SLC22A3: variants seen among roughly 807,000 people sequenced by gnomAD.
SLC22A3 encodes solute carrier family 22 member 3, also known as EMT organic cation transporter 3.
In SLC22A3, 51 loss-of-function variants were observed where a neutral mutation model predicts 59.1. The ratio of observed to expected loss-of-function variants is 0.86; its 90% CI spans 0.69 to 1.09. The LOEUF (loss-of-function observed/expected upper bound fraction) is 1.09. Among genes scored for constraint, SLC22A3 ranks in the 50% least tolerant of loss-of-function variants. SLC22A3 has a pLI of 0.00. For synonymous variants in SLC22A3, 325 were observed against 292.0 expected, an observed-to-expected ratio of 1.11 and a Z score of -1.15; for missense variants, 711 against 726.3, an observed-to-expected ratio of 0.98 and a Z score of 0.24.
At chr6:160,407,250 CA>C in intron 3 of SLC22A3, 55 bp downstream of exon 3, 1 of 1,524,648 alleles carries the variant, frequency 6.6e-7, no homozygotes, top group Non-Finnish European at 8.9e-7. Flanking sequence ...AGATAGCCAA[CA>C]AATGCTAGTT....
chr6:160,442,630 C>T (rs1788589333), intron 7 of SLC22A3, 131 bp from the exon 8 acceptor site: 1 of 729,110 alleles, frequency 1.4e-6, no homozygotes, highest in Admixed American at 2.0e-5. Context: ...TTAGAAAGTT[C>T]TATCATTTGT....
chr6:160,426,752 G>A (rs1787971329), intron 5 of SLC22A3, among the ~76,000 whole-genome samples: 1 of 152,194 alleles, frequency 6.6e-6, no homozygotes, highest in Non-Finnish European at 1.5e-5. Flanking sequence ...GTTGCCTTCA[G>A]TAATTGTGAT....
At position 160,415,094 on chromosome 6, in the gene SLC22A3, A is replaced by G. The variant is rs1271300688; in HGVS notation, c.975+4248A>G. Among the ~76,000 whole-genome samples, 2 of 152,174 alleles carry G rather than the reference A, an allele frequency of 1.3e-5. No individual in the cohort carries two copies. The highest frequency in any genetic ancestry group is 2.9e-5 in the Non-Finnish European group (2 of 68,038). ...TTTGAAACATATGTCTTCAAACCGA[A>G]CCTACCCATCTTTAATCTTTTTAAT... On this transcript the variant is annotated intron_variant, in intron 5 of 10. Transcript: ENST00000275300. The surrounding 1 kb of genome is among the most constrained non-coding windows in gnomAD (Gnocchi z 4.1).
intron 7 of SLC22A3, 127 bp downstream of exon 7, chr6:160,437,338 C>G: frequency 2.1e-6 from 2 of 945,708 alleles, no homozygotes; most frequent in Non-Finnish European, 3.3e-6. Context: ...TGATGTCACT[C>G]CATTTTCTGC....
At chr6:160,436,907 CT>C (rs1274440420) in intron 6 of SLC22A3, 30 bp downstream of exon 6, 1 of 1,608,406 alleles carries the variant, frequency 6.2e-7, no homozygotes, top group Non-Finnish European at 8.5e-7. Context: ...GATTTAAAAG[CT>C]TGCGTTAAAT....
intron 1 of SLC22A3, among the ~76,000 whole-genome samples, chr6:160,397,751 A>G (rs1786553701): frequency 6.6e-6 from 1 of 150,602 alleles, no homozygotes; most frequent in Non-Finnish European, 1.5e-5. Flanking sequence ...AAAAAAAAAG[A>G]ACGATGTTAT....
At chr6:160,389,722 G>A (rs191571034) in intron 1 of SLC22A3, among the ~76,000 whole-genome samples, 12 of 152,296 alleles carry the variant, frequency 7.9e-5, no homozygotes, top group Middle Eastern at 3.4e-3. Flanking sequence ...CTCATGCCCC[G>A]GCTTAGCACT....
At chr6:160,389,675 C>A (rs750283702) in intron 1 of SLC22A3, among the ~76,000 whole-genome samples, 1 of 152,222 alleles carries the variant, frequency 6.6e-6, no homozygotes, top group Non-Finnish European at 1.5e-5. Context: ...ATACTACACC[C>A]AGATGGTCAG....
intron 5 of SLC22A3, among the ~76,000 whole-genome samples, chr6:160,428,957 G>A (rs1341651585): frequency 6.6e-6 from 1 of 152,160 alleles, no homozygotes; most frequent in African/African-American, 2.4e-5. Context: ...TCTGTAATGT[G>A]ACATGCTTAC....
chr6:160,389,241 A>AT (rs1052033535), intron 1 of SLC22A3, among the ~76,000 whole-genome samples: 82 of 152,174 alleles, frequency 5.4e-4, no homozygotes, highest in African/African-American at 1.8e-3. Context: ...ATCATGAGCC[A>AT]TTTTTTTGTC....
chr6:160,383,818 A>G (rs1785889572), intron 1 of SLC22A3, among the ~76,000 whole-genome samples: 1 of 152,204 alleles, frequency 6.6e-6, no homozygotes, highest in Non-Finnish European at 1.5e-5. Flanking sequence ...ATAAATAAAA[A>G]CCAATACAGT....
intron 1 of SLC22A3, among the ~76,000 whole-genome samples, chr6:160,350,897 G>T (rs572010412): frequency 6.6e-6 from 1 of 152,088 alleles, no homozygotes; most frequent in Non-Finnish European, 1.5e-5. Flanking sequence ...TGAGTTACTC[G>T]CCTTCTCTGG....
At chr6:160,423,073 C>T (rs553202958) in intron 5 of SLC22A3, among the ~76,000 whole-genome samples, 2 of 152,182 alleles carry the variant, frequency 1.3e-5, no homozygotes, top group South Asian at 4.2e-4. Flanking sequence ...TGAGTGAGAA[C>T]ATGCGGTGTT....
chr6:160,436,473 C>A (rs558076862), intron 5 of SLC22A3, among the ~76,000 whole-genome samples: 20 of 152,300 alleles, frequency 1.3e-4, no homozygotes, highest in Non-Finnish European at 2.6e-4. Flanking sequence ...ACTTGCTTCA[C>A]CCACCCTGAC....
intron 3 of SLC22A3, among the ~76,000 whole-genome samples, chr6:160,407,473 C>A (rs1173237017): frequency 6.6e-6 from 1 of 152,144 alleles, no homozygotes; most frequent in African/African-American, 2.4e-5. Flanking sequence ...AATATGGTTT[C>A]TAGCTTTGCT....
intron 1 of SLC22A3, among the ~76,000 whole-genome samples, chr6:160,363,464 G>A (rs1009523181): frequency 5.3e-5 from 8 of 152,020 alleles, no homozygotes; most frequent in Admixed American, 3.9e-4. Flanking sequence ...GCCCTCCTGG[G>A]TGAGGCCTCA....
rs528364937 is a variant in SLC22A3, at chr6:160,374,717, C to T, written c.430-23262C>T. Among the ~76,000 whole-genome samples the T allele has an allele frequency of 2.0e-5, 3 of 152,292 alleles. No individual in the cohort carries two copies. In the South Asian group the frequency reaches 6.2e-4, roughly 32 times the overall value. On this transcript the variant is annotated intron_variant, in intron 1 of 10. Transcript: ENST00000275300. ...ACCTCCTCAGCACCACAGGGCTCAT[C>T]TCTGGGGACCTGGCTTTCCAGTTAG...
chr6:160,404,604 T>G (rs1786927477), intron 2 of SLC22A3, among the ~76,000 whole-genome samples: 1 of 152,212 alleles, frequency 6.6e-6, no homozygotes, highest in South Asian at 2.1e-4. Context: ...CTAAAGTTTA[T>G]ATGTAGAGAC....
intron 5 of SLC22A3, among the ~76,000 whole-genome samples, chr6:160,436,510 T>C (rs981554117): frequency 6.6e-6 from 1 of 152,214 alleles, no homozygotes; most frequent in Admixed American, 6.5e-5. Flanking sequence ...GTAATAAATG[T>C]GCATATGTAT....
Sources: allele counts gnomAD v4.1 joint callset (sites outside exome capture counted in the v4.1 genomes callset), GRCh38; gene constraint gnomAD v4.1.1; non-coding constraint Gnocchi (gnomAD v3.1); transcripts MANE v1.5; gene names NCBI Gene and HGNC (gene_info 2026-07-23, HGNC 2026-07-21).